The following RIPOR3 variants were observed in gnomAD, a reference collection of about 807,000 sequenced individuals.
RIPOR3 encodes the protein family with sequence similarity 65 member C.
Under a neutral mutation model 114.3 loss-of-function variants are expected in RIPOR3, and 95 were observed. That is an observed-to-expected ratio of 0.83 (90% CI 0.70 to 0.99). The LOEUF is 0.99. RIPOR3 is among the 50% of genes least tolerant of loss of function. The pLI is 0.00. For synonymous variants in RIPOR3, 575 were observed against 543.8 expected (o/e 1.06, Z -0.80); for missense variants, 1,252 against 1,266.9 (o/e 0.99, Z 0.18).
At chr20:50,649,919 G>T (rs1183349437) in intron 1 of RIPOR3, among the ~76,000 whole-genome samples, 1 of 152,208 alleles carries the variant, frequency 6.6e-6, no homozygotes, top group African/African-American at 2.4e-5. Flanking sequence ...GGCTAACTAG[G>T]CAGTCTCCTG....
intron 3 of RIPOR3, among the ~76,000 whole-genome samples, chr20:50,617,106 C>T (rs367847923): frequency 3.0e-4 from 46 of 152,114 alleles, no homozygotes; most frequent in South Asian, 8.3e-4. Context: ...TGCACCACTG[C>T]ACCCCACCTG....
intron 1 of RIPOR3, among the ~76,000 whole-genome samples, chr20:50,647,883 C>T (rs2085469533): frequency 6.6e-6 from 1 of 152,158 alleles, no homozygotes; most frequent in Non-Finnish European, 1.5e-5. Context: ...CTTACAGTTA[C>T]TTTCAGTTGC....
chr20:50,677,672 T>C (rs1196270683), intron 1 of RIPOR3, among the ~76,000 whole-genome samples: 3 of 121,812 alleles, frequency 2.5e-5, no homozygotes, highest in African/African-American at 8.4e-5. Context: ...GCGCCTGGCC[T>C]TTTTTTTTTT....
intron 19 of RIPOR3, 48 bp from the exon 20 acceptor site, chr20:50,589,817 G>A (rs769568139): frequency 4.5e-6 from 7 of 1,564,802 alleles, no homozygotes; most frequent in Non-Finnish European, 6.1e-6. Flanking sequence ...CAGAAGTGGA[G>A]TCCATGGTTC....
chr20:50,689,952 G>A (rs1245172323), intron 1 of RIPOR3, among the ~76,000 whole-genome samples: 1 of 152,194 alleles, frequency 6.6e-6, no homozygotes. Context: ...GGAACCCCAG[G>A]GATTCCCCAC....
At chr20:50,605,790 A>G (rs1398072784) in intron 11 of RIPOR3, among the ~76,000 whole-genome samples, 10 of 145,426 alleles carry the variant, frequency 6.9e-5, no homozygotes, top group African/African-American at 1.3e-4. Flanking sequence ...AAAAAAAAGA[A>G]AAAAAAAAAA....
At chr20:50,669,650 G>A (rs2086391022) in intron 1 of RIPOR3, among the ~76,000 whole-genome samples, 1 of 152,134 alleles carries the variant, frequency 6.6e-6, no homozygotes, top group Non-Finnish European at 1.5e-5. Flanking sequence ...TAGGGGTGGG[G>A]CCCCTGGAGG....
At chr20:50,668,384 C>A (rs758545791) in intron 1 of RIPOR3, among the ~76,000 whole-genome samples, 1 of 152,170 alleles carries the variant, frequency 6.6e-6, no homozygotes, top group Non-Finnish European at 1.5e-5. Context: ...GTGGTGCCAA[C>A]CACTCAGACT....
At chr20:50,633,403 T>C (rs1321953630) in intron 1 of RIPOR3, among the ~76,000 whole-genome samples, 9 of 152,130 alleles carry the variant, frequency 5.9e-5, no homozygotes, top group Non-Finnish European at 7.4e-5. Flanking sequence ...GTTCTACAAG[T>C]TAGGGTTTCT....
At chr20:50,633,927 T>C (rs1021097340) in intron 1 of RIPOR3, among the ~76,000 whole-genome samples, 1 of 152,002 alleles carries the variant, frequency 6.6e-6, no homozygotes, top group Non-Finnish European at 1.5e-5. Context: ...GAGAGGCGAC[T>C]CAGGGACACA....
At chr20:50,632,488 G>A (rs983116732) in intron 1 of RIPOR3, among the ~76,000 whole-genome samples, 2 of 152,228 alleles carry the variant, frequency 1.3e-5, no homozygotes, top group Admixed American at 6.5e-5. Context: ...CAAGTGAGAA[G>A]TGAGCGGCTT....
intron 2 of RIPOR3, among the ~76,000 whole-genome samples, chr20:50,629,661 C>G (rs2084749762): frequency 6.6e-6 from 1 of 152,214 alleles, no homozygotes; most frequent in Non-Finnish European, 1.5e-5. Context: ...CGGTAACCCC[C>G]CACAGCACCA....
At chr20:50,608,197 G>T (rs992440201) in intron 11 of RIPOR3, among the ~76,000 whole-genome samples, 192 bp downstream of exon 11, 1 of 152,194 alleles carries the variant, frequency 6.6e-6, no homozygotes, top group Non-Finnish European at 1.5e-5. Flanking sequence ...AAACCAGAAA[G>T]GCAGGCAGGG....
Position 50,608,432 on chromosome 20 carries a change from T to G in RIPOR3, c.913A>C (p.Thr305Pro), listed in dbSNP as rs1416355930. The G allele has an allele frequency of 6.2e-7, 1 of 1,613,830 alleles. No individual in the cohort carries two copies. Among genetic ancestry groups the G allele is most frequent in the Non-Finnish European group, 8.5e-7 (1 of 1,179,940 alleles). The change falls in exon 11 of 22, where the codon ACG becomes CCG. Residue 305 changes from threonine (T) to proline (P), a missense_variant. Physicochemically the swap from Thr to Pro is conservative, Grantham distance 38. Transcript: ENST00000327979. ...TGCAGCTTGATGGTACCCAACTCCG[T>G]GATGTCCACCACGATGACCTGCGGC... ...TRPQVIVVDI[T>P]ELGTIKLQLE...
chr20:50,614,160 C>T (rs1449062026), intron 4 of RIPOR3, among the ~76,000 whole-genome samples: 1 of 152,104 alleles, frequency 6.6e-6, no homozygotes, highest in African/African-American at 2.4e-5. Flanking sequence ...CTCAGCCTCC[C>T]GAGTAGCTGG....
intron 13 of RIPOR3, 80 bp downstream of exon 13, chr20:50,601,992 G>A: frequency 7.4e-7 from 1 of 1,349,196 alleles, no homozygotes. Context: ...GGCCCAGGCT[G>A]CGTGGCCCCA....
At chr20:50,684,634 A>G (rs545078238) in intron 1 of RIPOR3, among the ~76,000 whole-genome samples, 2 of 152,288 alleles carry the variant, frequency 1.3e-5, no homozygotes, top group East Asian at 3.9e-4. Flanking sequence ...CAAGAGGAGA[A>G]GCAGAGACAC....
intron 1 of RIPOR3, among the ~76,000 whole-genome samples, chr20:50,655,813 A>C (rs2085791285): frequency 6.6e-6 from 1 of 152,004 alleles, no homozygotes; most frequent in African/African-American, 2.4e-5. Context: ...TCGTGGCATG[A>C]GGCACGAGAC....
rs2083141542 is a variant in RIPOR3 at position 50,592,471 on chromosome 20, T to G, written c.2450A>C (p.Gln817Pro). Residue 817 changes from glutamine to proline, a missense_variant, in exon 19 of 22, where the codon CAG becomes CCG. Coordinates refer to ENST00000327979, the MANE Select transcript of RIPOR3 (RefSeq NM_001290268.2). The stretch of plus-strand genomic sequence containing the variant: ...TAAGGTCTGGGGCAGAGGCTGGAGC[T>G]GGCCCAGCCGCTTCCCCTGCAGCTT... The part of the protein sequence containing the change: ...VRKLQGKRLG[Q>P]LQPLPQTLRA... 1.2e-6 allele frequency: 2 copies of G among 1,611,408 alleles called. No individual in the cohort carries two copies. The highest frequency in any genetic ancestry group is 1.7e-5 in the Admixed American group (1 of 59,896).
Sources: allele counts gnomAD v4.1 joint callset (sites outside exome capture counted in the v4.1 genomes callset), GRCh38; gene constraint gnomAD v4.1.1; transcripts MANE v1.5; gene names NCBI Gene and HGNC (gene_info 2026-07-23, HGNC 2026-07-21).